PVT1: variants seen among roughly 807,000 people sequenced by gnomAD.
PVT1 encodes the protein CXCR4/PVT1 fusion.
chr8:128,061,442 T>C (rs1311572123), intron 4 of PVT1, among the ~76,000 whole-genome samples: 2 of 152,232 alleles, frequency 1.3e-5, no homozygotes, highest in South Asian at 2.1e-4. Flanking sequence ...GGGGCTGTTA[T>C]GATTAATTCT....
At chr8:127,844,547 C>G (rs1263208573) in intron 2 of PVT1, among the ~76,000 whole-genome samples, 1 of 152,164 alleles carries the variant, frequency 6.6e-6, no homozygotes, top group African/African-American at 2.4e-5. Context: ...CCACCTCCCC[C>G]AGGAAGTTCT....
chr8:127,832,629 C>T (rs909778582), intron 2 of PVT1, among the ~76,000 whole-genome samples: 15 of 152,252 alleles, frequency 9.9e-5, no homozygotes, highest in South Asian at 8.3e-4. Flanking sequence ...GAGGCCAAGG[C>T]GGGCGGATCA....
intron 4 of PVT1, among the ~76,000 whole-genome samples, chr8:128,030,259 T>C (rs1263556791): frequency 6.6e-6 from 1 of 152,226 alleles, no homozygotes. Context: ...GACATAACAG[T>C]GCATGCCTAT....
chr8:127,931,061 C>T (rs1816200026), intron 3 of PVT1, among the ~76,000 whole-genome samples: 1 of 152,174 alleles, frequency 6.6e-6, no homozygotes. Flanking sequence ...CGCTCCACCA[C>T]ACCCAGCTAG....
chr8:127,880,329 C>A (rs1005654285), intron 2 of PVT1, among the ~76,000 whole-genome samples: 1 of 152,122 alleles, frequency 6.6e-6, no homozygotes, highest in Non-Finnish European at 1.5e-5. Flanking sequence ...CTTGCTCTGT[C>A]CCCCAGGCTG....
chr8:127,844,490 AC>A (rs891928359), intron 2 of PVT1, among the ~76,000 whole-genome samples: 1 of 151,988 alleles, frequency 6.6e-6, no homozygotes, highest in East Asian at 1.9e-4. Flanking sequence ...CCACACAACA[AC>A]TTGTAACCTT....
At chr8:128,033,904 C>T (rs1053619621) in intron 4 of PVT1, among the ~76,000 whole-genome samples, 1 of 152,170 alleles carries the variant, frequency 6.6e-6, no homozygotes, top group Non-Finnish European at 1.5e-5. Flanking sequence ...AGGCCCCTCT[C>T]CACACTTTTG....
chr8:128,068,405 C>A (rs193284483), intron 4 of PVT1, among the ~76,000 whole-genome samples: 3 of 152,098 alleles, frequency 2.0e-5, no homozygotes, highest in Non-Finnish European at 4.4e-5. Flanking sequence ...AACTTGGGGT[C>A]CCTGGGAGTC....
chr8:127,880,616 T>C (rs1431539666), intron 2 of PVT1, among the ~76,000 whole-genome samples: 53 of 123,486 alleles, frequency 4.3e-4, no homozygotes, highest in East Asian at 3.1e-3. Flanking sequence ...TTTTTTTTTT[T>C]CCGAGATGGA....
intron 5 of PVT1, among the ~76,000 whole-genome samples, chr8:128,080,078 T>G (rs1338267868): frequency 6.6e-6 from 1 of 152,212 alleles, no homozygotes; most frequent in Non-Finnish European, 1.5e-5. Context: ...CATTCGTTTT[T>G]AGTGCTGAAT....
intron 3 of PVT1, among the ~76,000 whole-genome samples, chr8:127,936,970 G>A (rs935443683): frequency 6.6e-6 from 1 of 152,236 alleles, no homozygotes; most frequent in African/African-American, 2.4e-5. Flanking sequence ...CCTTGGAAGA[G>A]TTTTATACAG....
intron 3 of PVT1, among the ~76,000 whole-genome samples, chr8:127,916,264 A>G (rs566421023): frequency 6.6e-6 from 1 of 152,330 alleles, no homozygotes; most frequent in Admixed American, 6.5e-5. Context: ...CTGTGCAGAC[A>G]TGAGTGATGT....
At chr8:127,833,500 C>T (rs542512688) in intron 2 of PVT1, among the ~76,000 whole-genome samples, 1 of 152,040 alleles carries the variant, frequency 6.6e-6, no homozygotes, top group South Asian at 2.1e-4. Context: ...GCTCTGTCGC[C>T]CAGGCTGGAG....
chr8:127,950,937 G>A (rs1036515809), intron 3 of PVT1, among the ~76,000 whole-genome samples: 18 of 152,190 alleles, frequency 1.2e-4, no homozygotes, highest in African/African-American at 4.3e-4. Flanking sequence ...CTGCTGTGTG[G>A]CCCAGGCTGG....
At chr8:127,902,312 A>G (rs1280940518) in intron 3 of PVT1, among the ~76,000 whole-genome samples, 1 of 152,184 alleles carries the variant, frequency 6.6e-6, no homozygotes, top group East Asian at 1.9e-4. Flanking sequence ...ACAGTTCACA[A>G]GTCATTTCTA....
intron 4 of PVT1, among the ~76,000 whole-genome samples, chr8:128,061,693 G>A (rs1392583832): frequency 1.3e-5 from 2 of 152,142 alleles, no homozygotes; most frequent in African/African-American, 4.8e-5. Context: ...TTCATATGAC[G>A]GTGCTAGAAG....
chr8:127,873,663 C>G (rs1815375819), intron 2 of PVT1, among the ~76,000 whole-genome samples: 1 of 152,152 alleles, frequency 6.6e-6, no homozygotes, highest in Admixed American at 6.5e-5. Flanking sequence ...TTAAATACCC[C>G]TCTTGGTGTA....
chr8:128,016,788 T>C (rs2130046215), intron 4 of PVT1, among the ~76,000 whole-genome samples: 1 of 152,320 alleles, frequency 6.6e-6, no homozygotes, highest in South Asian at 2.1e-4. Flanking sequence ...AGCCATGGCT[T>C]TTCCTAATCA....
intron 3 of PVT1, among the ~76,000 whole-genome samples, chr8:127,904,241 G>A (rs1226638901): frequency 6.6e-6 from 1 of 150,570 alleles, no homozygotes; most frequent in Non-Finnish European, 1.5e-5. Flanking sequence ...TGCAGTAGGG[G>A]CATTTCACTT....
Sources: allele counts gnomAD v4.1 joint callset (sites outside exome capture counted in the v4.1 genomes callset), GRCh38; gene constraint gnomAD v4.1.1; transcripts MANE v1.5; gene names NCBI Gene and HGNC (gene_info 2026-07-23, HGNC 2026-07-21).